IAH1: variants seen among roughly 807,000 people sequenced by gnomAD.
IAH1 encodes the protein isoamyl acetate-hydrolyzing esterase 1 homolog.
IAH1 carries 24 observed loss-of-function variants against 26.7 expected under a neutral mutation model. The ratio of observed to expected loss-of-function variants is 0.90; its 90% confidence interval spans 0.65 to 1.26. The LOEUF is 1.26. Among genes scored for constraint, IAH1 ranks in the 50% most tolerant of loss-of-function variants. The probability of loss-of-function intolerance (pLI) is 0.00; values close to 1 mark genes in which losing one functional copy is unlikely to be tolerated. For missense variants in IAH1, 300 were observed against 299.9 expected (o/e 1.00, Z 0.00); for synonymous variants, 140 against 118.5 (o/e 1.18, Z -1.18).
In IAH1 at chr2:9,474,553, C is replaced by T. The variant is rs988935204; in HGVS notation, c.-14C>T. ...CGTGGCTGGCGGCCCCGCCCCGCCCCGCCCGGCTGCTCCATGGCGCTGTGC... is the reference window on the plus strand; with the variant it reads ...CGTGGCTGGCGGCCCCGCCCCGCCCTGCCCGGCTGCTCCATGGCGCTGTGC... On this transcript the variant is annotated 5_prime_UTR_variant, in exon 1 of 6. Coordinates refer to ENST00000497473, the MANE Select transcript of IAH1 (RefSeq NM_001039613.3). This position sits in a 1 kb window ranked among gnomAD's most constrained non-coding sequence, Gnocchi z 4.3. 33 of 1,463,722 alleles carry T rather than the reference C, an allele frequency of 2.3e-5. No individual in the cohort carries two copies. The highest frequency in any genetic ancestry group is 2.8e-5 in the Non-Finnish European group (31 of 1,111,008). The allele number at this position is 1,463,722 out of a possible 1,614,324, so 90.7% of individuals were successfully genotyped here.
chr2:9,483,942 G>A (rs562493245), intron 4 of IAH1, among the ~76,000 whole-genome samples: 33 of 152,194 alleles, frequency 2.2e-4, no homozygotes, highest in Non-Finnish European at 3.4e-4. Context: ...GCATCAAAAC[G>A]AAGGTCTCTT....
chr2:9,487,815 TGTGTGTGTGTGTGTGTGTGCGCGCGC>T (rs1450546019), intron 5 of IAH1, among the ~76,000 whole-genome samples: 14 of 93,240 alleles, frequency 1.5e-4, no homozygotes, highest in African/African-American at 4.8e-4. Flanking sequence ...TGTGTGTGTG[TGTGTGTGTGTGTGTGTGTGCGCGCGC>T]GCGCGCGCGC....
At chr2:9,474,347 C>T (rs1222276403), upstream of IAH1, among the ~76,000 whole-genome samples, 1 of 152,246 alleles carries the variant, frequency 6.6e-6, no homozygotes, top group East Asian at 1.9e-4. The surrounding 1 kb of genome is among the most constrained non-coding windows in gnomAD (Gnocchi z 4.3). Flanking sequence ...AACCACGCAG[C>T]GGGACGCGGG....
intron 6 of IAH1, among the ~76,000 whole-genome samples, chr2:9,495,344 G>C (rs979934773): frequency 6.6e-6 from 1 of 152,254 alleles, no homozygotes; most frequent in Non-Finnish European, 1.5e-5. Flanking sequence ...AAGAATGGCA[G>C]AAATGCCAGA....
At chr2:9,505,953 A>G in the IAH1 span, among the ~76,000 whole-genome samples, 1 of 152,172 alleles carries the variant, frequency 6.6e-6, no homozygotes, top group South Asian at 2.1e-4. Context: ...ATTTTCATCA[A>G]CCAGCAAGAC....
At chr2:9,502,230 G>C in the IAH1 span, 1 of 1,614,016 alleles carries the variant, frequency 6.2e-7, no homozygotes, top group Non-Finnish European at 8.5e-7. Context: ...CACTTCTTCT[G>C]GGCAGTCTCA....
At chr2:9,493,105 G>A (rs188017966), downstream of IAH1, 16 of 773,896 alleles carry the variant, frequency 2.1e-5, no homozygotes, top group African/African-American at 1.8e-4. Context: ...ACATACTACC[G>A]AGAGCAGAAT....
chr2:9,477,643 A>T (rs180781999), intron 2 of IAH1, among the ~76,000 whole-genome samples: 208 of 151,010 alleles, frequency 1.4e-3, no homozygotes, highest in African/African-American at 4.9e-3. Context: ...GGGAGCCGAG[A>T]AACAAATCCA....
intron 5 of IAH1, among the ~76,000 whole-genome samples, chr2:9,487,833 T>TGCGC (rs138868847): frequency 5.6e-4 from 46 of 82,754 alleles, no homozygotes; most frequent in Admixed American, 1.8e-3. Context: ...TGTGTGTGTG[T>TGCGC]GCGCGCGCGC....
At chr2:9,490,286 G>C, downstream of IAH1, 1 of 1,614,140 alleles carries the variant, frequency 6.2e-7, no homozygotes, top group Non-Finnish European at 8.5e-7. Context: ...AAATGACTTG[G>C]CAGCTGTGCT....
intron 6 of IAH1, among the ~76,000 whole-genome samples, chr2:9,495,147 C>T (rs907871576): frequency 2.6e-5 from 4 of 152,232 alleles, no homozygotes; most frequent in Admixed American, 6.5e-5. Context: ...AAGTGTGCCC[C>T]TCAGGGCCCA....
At chr2:9,500,921 A>G (rs1662960130), downstream of IAH1, among the ~76,000 whole-genome samples, 1 of 152,280 alleles carries the variant, frequency 6.6e-6, no homozygotes, top group Non-Finnish European at 1.5e-5. Context: ...TGAAGCTAAT[A>G]GAAGCAGCTG....
chr2:9,474,732 TTCGGCGCCCGAG>T lies in IAH1; in HGVS notation c.81+86_81+97del. 9.3e-7 allele frequency: 1 copy of T among 1,070,358 alleles called. No homozygotes were observed. Among genetic ancestry groups the T allele is most frequent in the Non-Finnish European group, 1.3e-6 (1 of 770,686 alleles). 66.3% of individuals were successfully genotyped at this position (1,070,358 alleles called of 1,614,324 possible). On this transcript the variant is annotated intron_variant, in intron 1 of 5. Coordinates refer to ENST00000497473, the MANE Select transcript of IAH1 (RefSeq NM_001039613.3). This position sits in a 1 kb window ranked among gnomAD's most constrained non-coding sequence, Gnocchi z 4.3. Reference sequence around the variant, plus strand: ...CAGGCCGAGGCTCCTCGCCGTCCTCTTCGGCGCCCGAGACGGCTGGGCCGGAGGCCTGGCCAC... The same window carrying T: ...CAGGCCGAGGCTCCTCGCCGTCCTCTACGGCTGGGCCGGAGGCCTGGCCAC...
rs1662576111 is a variant in IAH1 at position 9,496,117 on chromosome 2, T to C, written c.*223-198T>C. Among the ~76,000 whole-genome samples, 3 of 152,038 alleles carry C rather than the reference T, an allele frequency of 2.0e-5. 1 individual carries two copies. In the South Asian group the frequency reaches 6.2e-4, roughly 31 times the overall value. On this transcript the variant is annotated intron_variant, in intron 6 of 6. Coordinates refer to the IAH1 transcript ENST00000481367. Reference sequence around the variant, plus strand: ...ACCGGGTTCTTTGTCTTTTATTTATTTTATTTTTTACTTATTTATTTATTT... The same window carrying C: ...ACCGGGTTCTTTGTCTTTTATTTATCTTATTTTTTACTTATTTATTTATTT...
At position 9,474,895 on chromosome 2, in the gene IAH1, G is replaced by T. The variant is rs1423785160; in HGVS notation, c.81+248G>T. 1 of 601,742 alleles carries T rather than the reference G, an allele frequency of 1.7e-6. No homozygotes were observed. Among genetic ancestry groups the T allele is most frequent in the Non-Finnish European group, 2.3e-6 (1 of 432,804 alleles). 37.3% of individuals were successfully genotyped at this position (601,742 alleles called of 1,614,324 possible). A position where few individuals can be genotyped will look rare whatever the true frequency, so the allele number is the denominator to read the frequency against. ...TCCAGGCACAGACGCGAGGGGACCC[G>T]GCCGCGCTGCCCGCCCCGCGCCGCC... is the stretch of plus-strand genomic sequence containing the variant. On this transcript the variant is annotated intron_variant, in intron 1 of 5. Transcript: ENST00000497473. The surrounding 1 kb of genome is among the most constrained non-coding windows in gnomAD (Gnocchi z 4.3).
intron 1 of IAH1, chr2:9,475,728 A>C (rs1682450618): frequency 1.9e-6 from 1 of 524,778 alleles, no homozygotes; most frequent in Non-Finnish European, 3.4e-6. Context: ...CTCGAACTCG[A>C]GACCTCATGT....
At chr2:9,483,791 G>A (rs564813493) in intron 4 of IAH1, among the ~76,000 whole-genome samples, 2 of 152,284 alleles carry the variant, frequency 1.3e-5, no homozygotes, top group South Asian at 2.1e-4. Flanking sequence ...CAATCGTTCT[G>A]TGCTAGCTGC....
At chr2:9,476,657 ATTG>A (rs1454000069) in intron 2 of IAH1, among the ~76,000 whole-genome samples, 1 of 152,114 alleles carries the variant, frequency 6.6e-6, no homozygotes, top group Admixed American at 6.5e-5. Flanking sequence ...GTGGTTATCT[ATTG>A]TTAGCAGGGG....
chr2:9,507,702 CATTAG>C, the IAH1 span, among the ~76,000 whole-genome samples: 1 of 151,408 alleles, frequency 6.6e-6, no homozygotes, highest in Non-Finnish European at 1.5e-5. Flanking sequence ...GCCCCATTCT[CATTAG>C]CAAGTTCTTT....
Sources: gnomAD v4.1 joint callset for allele counts (sites outside exome capture counted in the v4.1 genomes callset) on GRCh38, gnomAD v4.1.1 for gene constraint, Gnocchi (gnomAD v3.1) non-coding constraint, MANE v1.5 for transcripts, NCBI Gene and HGNC (gene_info 2026-07-23, HGNC 2026-07-21) for gene names.